The following MMRN1 variants were observed in gnomAD, a reference collection of about 807,000 sequenced individuals.
MMRN1 encodes the protein multimerin 1, also known as multimerin-1.
MMRN1 carries 94 observed loss-of-function variants against 100.7 expected under a neutral mutation model. The ratio of observed to expected loss-of-function variants is 0.93; its 90% CI spans 0.79 to 1.11. The LOEUF is 1.11. Ranked by LOEUF, MMRN1 falls within the 50% of genes least tolerant of loss-of-function variation. MMRN1 has a pLI of 0.00. For synonymous variants in MMRN1, 575 were observed against 505.0 expected, an observed-to-expected ratio of 1.14 and a Z score of -1.86; for missense variants, 1,606 against 1,439.1, an observed-to-expected ratio of 1.12 and a Z score of -1.88.
Position 89,935,109 on chromosome 4 carries a change from C to G in MMRN1, c.1429C>G (p.Pro477Ala), listed in dbSNP as rs1398542775. Residue 477 changes from proline (P) to alanine (A), a missense_variant, in exon 6 of 8, where the codon CCT (proline) becomes GCT (alanine). By Grantham distance (27) the Pro-to-Ala change is conservative (BLOSUM62 -1). Coordinates refer to ENST00000264790, the MANE Select transcript of MMRN1 (RefSeq NM_007351.3). ...AGAAATGACTCTTACATGTGAGAAG[C>G]CTATTAAAGAACTAGAAGTAAAGCA... ...RQEMTLTCEKPIKELEVKQTH... is the reference protein window; with the variant it reads ...RQEMTLTCEKAIKELEVKQTH... The G allele has an allele frequency of 1.2e-6, 2 of 1,613,436 alleles. No individual in the cohort carries two copies. Among genetic ancestry groups the G allele is most frequent in the African/African-American group, 2.7e-5 (2 of 74,872 alleles).
At position 89,935,727 on chromosome 4, in the gene MMRN1, A is replaced by G; in HGVS notation, c.2047A>G (p.Ser683Gly). 1 of 1,611,628 alleles carries G rather than the reference A, an allele frequency of 6.2e-7. No individual in the cohort carries two copies. Among genetic ancestry groups the G allele is most frequent in the Non-Finnish European group, 8.5e-7 (1 of 1,179,256 alleles). Reference sequence around the variant, plus strand: ...AAGGAAAAAGATAGAAAATCTGACTAGTGCTGTCAATAGTCTAAATTTTAT... The same window carrying G: ...AAGGAAAAAGATAGAAAATCTGACTGGTGCTGTCAATAGTCTAAATTTTAT... ...VIRKKIENLT[S>G]AVNSLNFIIK... Residue 683 changes from serine to glycine, a missense_variant, in exon 6 of 8, where the codon AGT becomes GGT. By Grantham distance (56) the Ser-to-Gly change is moderately conservative (BLOSUM62 0). Coordinates refer to ENST00000264790, the MANE Select transcript of MMRN1 (RefSeq NM_007351.3).
intron 5 of MMRN1, among the ~76,000 whole-genome samples, chr4:89,932,604 C>T (rs1329069401): frequency 6.6e-6 from 1 of 152,164 alleles, no homozygotes; most frequent in South Asian, 2.1e-4. Context: ...AACCTCAATC[C>T]TTGACTTCTC....
chr4:89,922,117 T>G (rs1051963305), intron 3 of MMRN1, among the ~76,000 whole-genome samples: 13 of 152,158 alleles, frequency 8.5e-5, no homozygotes, highest in African/African-American at 3.1e-4. Flanking sequence ...ATTGATTGAT[T>G]GATTGATTGG....
At chr4:89,888,686 C>T (rs888541165) in intron 1 of MMRN1, among the ~76,000 whole-genome samples, 12 of 152,016 alleles carry the variant, frequency 7.9e-5, no homozygotes, top group African/African-American at 2.9e-4. Context: ...TATTTTCAAG[C>T]TAACTGCTTA....
chr4:89,930,703 T>C (rs944291358), intron 5 of MMRN1, among the ~76,000 whole-genome samples: 27 of 152,064 alleles, frequency 1.8e-4, no homozygotes, highest in African/African-American at 6.5e-4. Flanking sequence ...GTAATATTAA[T>C]ATTACTATTG....
chr4:89,941,561 A>T (rs1254773717), intron 6 of MMRN1, among the ~76,000 whole-genome samples: 5 of 152,190 alleles, frequency 3.3e-5, no homozygotes, highest in South Asian at 2.1e-4. Context: ...TGCCTAGGAC[A>T]TACCAAAACT....
At position 89,953,485 on chromosome 4, in the gene MMRN1, G is replaced by A. The variant is rs1410719783; in HGVS notation, c.*67G>A. 4 of 1,432,126 alleles carry A rather than the reference G, an allele frequency of 2.8e-6. No individual in the cohort carries two copies. In the East Asian group the frequency reaches 9.3e-5, roughly 33 times the overall value. 88.7% of individuals were successfully genotyped at this position (1,432,126 alleles called of 1,614,324 possible). A position where few individuals can be genotyped will look rare whatever the true frequency, so the allele number is the denominator to read the frequency against. ...CCAGTGTTTTCATTTATCTTTGCTT[G>A]CACATCTGCTCTGTTTTGGTTTTTC... On this transcript the variant is annotated 3_prime_UTR_variant, in exon 8 of 8. Transcript: ENST00000264790.
upstream of MMRN1, among the ~76,000 whole-genome samples, chr4:89,891,707 A>G (rs1298068053): frequency 1.3e-5 from 2 of 151,918 alleles, no homozygotes; most frequent in Non-Finnish European, 2.9e-5. Context: ...CATTAAATTG[A>G]AAAAGCTCTA....
rs1442590262 is a variant in MMRN1, at chr4:89,953,050, C to T, written c.3319C>T (p.His1107Tyr). ...ACCCATGGTGGCATTTTTTGCATCTCATACGTATGGAATGACTATACCTGG... is the reference window on the plus strand; with the variant it reads ...ACCCATGGTGGCATTTTTTGCATCTTATACGTATGGAATGACTATACCTGG... ...YAPMVAFFAS[H>Y]TYGMTIPGPI... Residue 1107 changes from histidine (H) to tyrosine (Y), a missense_variant, in exon 8 of 8, where the codon CAT becomes TAT. His to Tyr is a moderately conservative substitution (Grantham distance 83, BLOSUM62 2). Coordinates refer to ENST00000264790, the MANE Select transcript of MMRN1 (RefSeq NM_007351.3). 3.1e-6 allele frequency: 5 copies of T among 1,612,424 alleles called. No homozygotes were observed. Among genetic ancestry groups the T allele is most frequent in the Admixed American group, 1.7e-5 (1 of 59,786 alleles).
rs756072777 is a variant in MMRN1, at chr4:89,935,001, C to A, written c.1321C>A (p.Gln441Lys). 30 of 1,612,558 alleles carry A rather than the reference C, an allele frequency of 1.9e-5. No individual in the cohort carries two copies. Among genetic ancestry groups the A allele is most frequent in the Non-Finnish European group, 2.4e-5 (28 of 1,179,512 alleles). The change falls in exon 6 of 8, where the codon CAA becomes AAA. Residue 441 changes from glutamine (Q) to lysine (K), a missense_variant. Coordinates refer to ENST00000264790, the MANE Select transcript of MMRN1 (RefSeq NM_007351.3). ...NESVVSIAAQ[Q>K]KFVLVQENRP... ...ATCTGTGGTTTCAATAGCAGCCCAGCAAAAGTTTGTTTTGGTGCAAGAGAA... is the reference window on the plus strand; with the variant it reads ...ATCTGTGGTTTCAATAGCAGCCCAGAAAAAGTTTGTTTTGGTGCAAGAGAA...
At chr4:89,904,137 T>A (rs930723514) in intron 1 of MMRN1, among the ~76,000 whole-genome samples, 1 of 151,794 alleles carries the variant, frequency 6.6e-6, no homozygotes, top group Non-Finnish European at 1.5e-5. Flanking sequence ...TATTTTGTCC[T>A]ATTTTTTCAT....
chr4:89,925,302 A>ATTTTTTTTTT (rs1176427401), intron 4 of MMRN1, among the ~76,000 whole-genome samples: 9 of 101,962 alleles, frequency 8.8e-5, no homozygotes, highest in African/African-American at 3.0e-4. Context: ...TGCCTGGTTA[A>ATTTTTTTTTT]TTTTTTTTTT....
Position 89,911,932 on chromosome 4 carries a change from T to C in MMRN1, c.744-12T>C. ...AAATAATCGATTTCCCTCCAATTGCTCAACTCTCTAGATCTCAGAAGATAT... is the reference window on the plus strand; with the variant it reads ...AAATAATCGATTTCCCTCCAATTGCCCAACTCTCTAGATCTCAGAAGATAT... On this transcript the variant is annotated splice_polypyrimidine_tract_variant and intron_variant, in intron 2 of 7. Coordinates refer to ENST00000264790, the MANE Select transcript of MMRN1 (RefSeq NM_007351.3). 1 of 1,519,834 alleles carries C rather than the reference T, an allele frequency of 6.6e-7. No individual in the cohort carries two copies. Among genetic ancestry groups the C allele is most frequent in the Non-Finnish European group, 9.1e-7 (1 of 1,103,696 alleles). The allele number at this position is 1,519,834 out of a possible 1,614,324, so 94.1% of individuals were successfully genotyped here.
chr4:89,900,729 G>A (rs566581838), intron 1 of MMRN1, among the ~76,000 whole-genome samples: 77 of 152,014 alleles, frequency 5.1e-4, no homozygotes, highest in Non-Finnish European at 8.5e-4. Context: ...GATGGGTTTG[G>A]CATCCAGAGG....
At chr4:89,909,709 A>G (rs1244062539) in intron 2 of MMRN1, among the ~76,000 whole-genome samples, 1 of 149,206 alleles carries the variant, frequency 6.7e-6, no homozygotes, top group Non-Finnish European at 1.5e-5. Flanking sequence ...TATCTGGTCA[A>G]CAATCCTGTC....
chr4:89,895,340 C>T lies in MMRN1; in HGVS notation c.369C>T (p.Ile123=), dbSNP rs1466942888. The change falls in exon 1 of 8, where the codon ATC becomes ATT. Residue 123 remains isoleucine, a synonymous_variant. Transcript: ENST00000264790. ...QNLTLPTNAS[I]KFNPGAESVV... ...TTACCCTCCCAACCAACGCTAGCAT[C>T]AAGTTCAATCCTGGAGCAGAATCAG... 1.9e-6 allele frequency: 3 copies of T among 1,613,960 alleles called. No individual in the cohort carries two copies. Among genetic ancestry groups the T allele is most frequent in the South Asian group, 1.1e-5 (1 of 91,064 alleles).
At chr4:89,898,741 G>A (rs941332666) in intron 1 of MMRN1, among the ~76,000 whole-genome samples, 3 of 151,902 alleles carry the variant, frequency 2.0e-5, no homozygotes, top group Admixed American at 6.6e-5. Flanking sequence ...TTTTGCCATC[G>A]TTCTCTCTTT....
At chr4:89,925,501 A>AATATAT (rs150903291) in intron 4 of MMRN1, among the ~76,000 whole-genome samples, 4 of 145,582 alleles carry the variant, frequency 2.7e-5, no homozygotes, top group Non-Finnish European at 6.0e-5. Flanking sequence ...TTATATTTTT[A>AATATAT]ATATATATAT....
At chr4:89,884,769 C>T (rs1405163072) in intron 1 of MMRN1, among the ~76,000 whole-genome samples, 1 of 151,914 alleles carries the variant, frequency 6.6e-6, no homozygotes, top group East Asian at 1.9e-4. Context: ...GCTTTAAAAA[C>T]TTTGAGAATT....
Sources: gnomAD v4.1 joint callset for allele counts (sites outside exome capture counted in the v4.1 genomes callset) on GRCh38, gnomAD v4.1.1 for gene constraint, MANE v1.5 for transcripts, NCBI Gene and HGNC (gene_info 2026-07-23, HGNC 2026-07-21) for gene names.